The following FYN variants were observed in gnomAD, a reference collection of about 807,000 sequenced individuals.
The protein encoded by FYN is tyrosine-protein kinase Fyn.
FYN carries 10 observed loss-of-function variants against 70.2 expected under a neutral mutation model. That is an observed-to-expected ratio of 0.14 (90% CI 0.09 to 0.24). The LOEUF (loss-of-function observed/expected upper bound fraction) is 0.24. FYN is among the 10% of genes least tolerant of loss of function. The probability of loss-of-function intolerance (pLI) is 1.00; values close to 1 mark genes in which losing one functional copy is unlikely to be tolerated. For missense variants in FYN, 319 were observed against 673.1 expected, an observed-to-expected ratio of 0.47 and a Z score of 5.82; for synonymous variants, 236 against 248.6, an observed-to-expected ratio of 0.95 and a Z score of 0.48.
intron 5 of FYN, among the ~76,000 whole-genome samples, chr6:111,712,017 G>A (rs766321540): frequency 5.3e-5 from 8 of 152,166 alleles, no homozygotes; most frequent in East Asian, 1.9e-4. Context: ...ATCAAAGGCC[G>A]TGCATGGAAG....
intron 3 of FYN, 22 bp from the exon 4 acceptor site, chr6:111,720,084 G>T (rs770436634): frequency 1.3e-6 from 2 of 1,562,152 alleles, no homozygotes; most frequent in South Asian, 2.4e-5. Context: ...AAAAAAGGGG[G>T]CACGTAAGCT....
At chr6:111,841,267 T>A (rs1185358758) in intron 2 of FYN, among the ~76,000 whole-genome samples, 1 of 152,182 alleles carries the variant, frequency 6.6e-6, no homozygotes, top group Non-Finnish European at 1.5e-5. Context: ...TTTTCAAGGT[T>A]TCCAATTGTT....
intron 2 of FYN, among the ~76,000 whole-genome samples, chr6:111,833,718 T>C (rs1583480180): frequency 6.6e-6 from 1 of 152,368 alleles, no homozygotes; most frequent in Admixed American, 6.5e-5. Flanking sequence ...TAAAAGTTAA[T>C]GTTTTTTCGT....
intron 2 of FYN, among the ~76,000 whole-genome samples, chr6:111,783,844 G>T (rs1013790009): frequency 1.3e-4 from 20 of 152,256 alleles, no homozygotes; most frequent in African/African-American, 4.8e-4. Flanking sequence ...TGCAACATTC[G>T]CATCAACCAG....
At chr6:111,776,321 C>T (rs187316843) in intron 3 of FYN, among the ~76,000 whole-genome samples, 2 of 152,234 alleles carry the variant, frequency 1.3e-5, no homozygotes, top group East Asian at 3.9e-4. Context: ...GATAGTTTTC[C>T]CACAGATACT....
At chr6:111,807,543 C>T (rs769538765) in intron 2 of FYN, among the ~76,000 whole-genome samples, 1 of 152,196 alleles carries the variant, frequency 6.6e-6, no homozygotes, top group Non-Finnish European at 1.5e-5. Context: ...CCAGGTAAGA[C>T]TAACACATGG....
At chr6:111,830,982 G>A (rs934997285) in intron 2 of FYN, among the ~76,000 whole-genome samples, 9 of 152,030 alleles carry the variant, frequency 5.9e-5, no homozygotes, top group Admixed American at 5.2e-4. Flanking sequence ...CAGAAGGGGG[G>A]CTATTTGTGT....
intron 12 of FYN, among the ~76,000 whole-genome samples, chr6:111,674,990 G>T (rs1401089265): frequency 6.6e-6 from 1 of 152,126 alleles, no homozygotes; most frequent in African/African-American, 2.4e-5. Flanking sequence ...GGGTATATAA[G>T]ATAGTGTGGT....
intron 3 of FYN, among the ~76,000 whole-genome samples, chr6:111,731,725 G>A (rs1041624970): frequency 1.3e-5 from 2 of 152,178 alleles, no homozygotes; most frequent in Non-Finnish European, 2.9e-5. Flanking sequence ...GGACAGAATG[G>A]CTCAGGAGGA....
intron 6 of FYN, among the ~76,000 whole-genome samples, chr6:111,706,040 T>C (rs1045677743): frequency 3.9e-5 from 6 of 152,208 alleles, no homozygotes; most frequent in Non-Finnish European, 7.3e-5. Context: ...TTAAAATGAC[T>C]TGGTGTTGCA....
intron 9 of FYN, among the ~76,000 whole-genome samples, chr6:111,699,016 G>A (rs982858654): frequency 2.6e-5 from 4 of 152,216 alleles, no homozygotes; most frequent in Non-Finnish European, 5.9e-5. Context: ...CTGGGAGGTG[G>A]AGGTTGCAGT....
At chr6:111,820,247 C>A (rs974541678) in intron 2 of FYN, among the ~76,000 whole-genome samples, 10 of 152,146 alleles carry the variant, frequency 6.6e-5, no homozygotes, top group Admixed American at 3.3e-4. Context: ...CTTTATATAA[C>A]CATTATGCAT....
At chr6:111,715,338 C>T (rs527858880) in intron 4 of FYN, among the ~76,000 whole-genome samples, 3 of 152,070 alleles carry the variant, frequency 2.0e-5, no homozygotes, top group African/African-American at 7.2e-5. Flanking sequence ...GGCTTGGCCT[C>T]CCAAAGTGCT....
At chr6:111,679,424 A>G (rs1450304127) in intron 12 of FYN, among the ~76,000 whole-genome samples, 1 of 152,180 alleles carries the variant, frequency 6.6e-6, no homozygotes, top group African/African-American at 2.4e-5. Context: ...TGCCCCAGAT[A>G]AATACTGTGC....
chr6:111,720,030 C>A lies in FYN; in HGVS notation c.22G>T (p.Asp8Tyr). MGCVQCK[D>Y]KEATKLTEER... ...TCCGTCAGTTTTGTTGCTTCTTTAT[C>A]CTTACATTGCACACAGCCCATTATC... The change falls in exon 4 of 14, where the codon GAT becomes TAT. Residue 8 changes from aspartate to tyrosine, a missense_variant. Physicochemically the swap from Asp to Tyr is radical, Grantham distance 160. Transcript: ENST00000354650. 1.2e-6 allele frequency: 2 copies of A among 1,609,892 alleles called. No homozygotes were observed. The highest frequency in any genetic ancestry group is 1.7e-6 in the Non-Finnish European group (2 of 1,176,800).
chr6:111,801,687 G>T (rs1771990346), intron 2 of FYN, among the ~76,000 whole-genome samples: 1 of 152,192 alleles, frequency 6.6e-6, no homozygotes, highest in Non-Finnish European at 1.5e-5. Flanking sequence ...AAGTGTATCT[G>T]AGACTGTGAC....
chr6:111,764,254 A>C (rs1803134026), intron 3 of FYN, among the ~76,000 whole-genome samples: 1 of 150,680 alleles, frequency 6.6e-6, no homozygotes, highest in Non-Finnish European at 1.5e-5. Flanking sequence ...AAAAGAAAGA[A>C]AGAAAAAAGA....
intron 3 of FYN, among the ~76,000 whole-genome samples, chr6:111,720,990 G>A (rs1360219826): frequency 2.0e-5 from 3 of 152,042 alleles, no homozygotes; most frequent in South Asian, 2.1e-4. Context: ...TTCCTGTCTC[G>A]GCTCTCCTAT....
At chr6:111,806,645 C>T (rs763023515) in intron 2 of FYN, among the ~76,000 whole-genome samples, 26 of 152,176 alleles carry the variant, frequency 1.7e-4, no homozygotes, top group Non-Finnish European at 2.6e-4. Flanking sequence ...CTGAATGTCC[C>T]GGCCCACTAT....
Sources: allele counts gnomAD v4.1 joint callset (sites outside exome capture counted in the v4.1 genomes callset), GRCh38; gene constraint gnomAD v4.1.1; transcripts MANE v1.5; gene names NCBI Gene and HGNC (gene_info 2026-07-23, HGNC 2026-07-21).